Variants in SPATA6L observed in about 807,000 individuals in gnomAD.
SPATA6L encodes the protein spermatogenesis associated 6-like protein.
In SPATA6L, 68 loss-of-function variants were observed where a neutral mutation model predicts 49.2. The ratio of observed to expected loss-of-function variants is 1.38; its 90% CI spans 1.14 to 1.69. The LOEUF (loss-of-function observed/expected upper bound fraction) is 1.69, where lower values mean the gene tolerates loss of function less well. Among genes scored for constraint, SPATA6L ranks in the 40% most tolerant of loss-of-function variants. The probability of loss-of-function intolerance (pLI) is 0.00; values close to 1 mark genes in which losing one functional copy is unlikely to be tolerated. For missense variants in SPATA6L, 668 were observed against 464.3 expected (o/e 1.44, Z -4.03); for synonymous variants, 198 against 165.7 (o/e 1.19, Z -1.50).
intron 3 of SPATA6L, among the ~76,000 whole-genome samples, chr9:4,641,361 G>A (rs1369329299): frequency 6.6e-6 from 1 of 151,784 alleles, no homozygotes; most frequent in East Asian, 1.9e-4. Context: ...TGGTGTAGTT[G>A]CGGTGAGTTG....
At position 4,662,429 on chromosome 9, in the gene SPATA6L, G is replaced by GAGCAGC. The variant is rs768964167; in HGVS notation, c.40-399_40-394dup. The GAGCAGC allele has an allele frequency of 3.0e-5, 46 of 1,541,420 alleles. No homozygotes were observed. Among genetic ancestry groups the GAGCAGC allele is most frequent in the Non-Finnish European group, 3.9e-5 (45 of 1,152,076 alleles). On this transcript the variant is annotated intron_variant, in intron 1 of 11. Transcript: ENST00000682582. The surrounding 1 kb of genome is among the most constrained non-coding windows in gnomAD (Gnocchi z 4.9). ...GACGGCCGCTGGGCGTCTCCGCTTC[G>GAGCAGC]AGCAGCAGCAGCAGCCCCGGCAGCC...
In SPATA6L at chr9:4,592,314, C is replaced by CAA. The variant is rs35362659; in HGVS notation, c.*255-3355_*255-3354dup. The stretch of plus-strand genomic sequence containing the variant: ...TGGGTGACAGAGGGAGACTCCATCT[C>CAA]AAAAAAAAAAAAAAAAAAATCACAG... On this transcript the variant is annotated intron_variant and NMD_transcript_variant, in intron 13 of 13. Transcript: ENST00000461761. Among the ~76,000 whole-genome samples, 240 of 114,092 alleles carry CAA rather than the reference C, an allele frequency of 2.1e-3. 2 individuals are homozygous for CAA. Among genetic ancestry groups the CAA allele is most frequent in the Admixed American group, 4.1e-3 (43 of 10,458 alleles). 74.8% of individuals were successfully genotyped at this position (114,092 alleles called of 152,430 possible). A position where few individuals can be genotyped will look rare whatever the true frequency, so the allele number is the denominator to read the frequency against.
At position 4,662,233 on chromosome 9, in the gene SPATA6L, T is replaced by C; in HGVS notation, c.40-197A>G. On this transcript the variant is annotated intron_variant, in intron 1 of 11. Coordinates refer to ENST00000682582, the MANE Select transcript of SPATA6L (RefSeq NM_001353486.2). This position sits in a 1 kb window ranked among gnomAD's most constrained non-coding sequence, Gnocchi z 4.9. ...TTGGAAATTCCAACTCCCTCCCACG[T>C]CTCCACCAGGTGTCACAATCGCGCT... 1 of 1,432,738 alleles carries C rather than the reference T, an allele frequency of 7.0e-7. No individual in the cohort carries two copies. Among genetic ancestry groups the C allele is most frequent in the South Asian group, 1.5e-5 (1 of 67,010 alleles). The allele number at this position is 1,432,738 out of a possible 1,614,324, so 88.8% of individuals were successfully genotyped here.
At chr9:4,604,356 G>C in intron 10 of SPATA6L, 87 bp from the exon 11 acceptor site, 1 of 806,402 alleles carries the variant, frequency 1.2e-6, no homozygotes. Context: ...GCATGTAGGA[G>C]GTCTGTGCAT....
chr9:4,654,159 G>A (rs997919652), intron 3 of SPATA6L, among the ~76,000 whole-genome samples: 13 of 152,148 alleles, frequency 8.5e-5, no homozygotes, highest in African/African-American at 3.1e-4. Flanking sequence ...AACAAGTGTC[G>A]GCCAGGATGT....
downstream of SPATA6L, among the ~76,000 whole-genome samples, chr9:4,598,121 G>A (rs746323376): frequency 6.6e-6 from 1 of 152,086 alleles, no homozygotes; most frequent in Non-Finnish European, 1.5e-5. Flanking sequence ...TCAGTCAGGT[G>A]ACCACAGAGA....
At chr9:4,653,684 C>T (rs1837438164) in intron 3 of SPATA6L, among the ~76,000 whole-genome samples, 1 of 152,152 alleles carries the variant, frequency 6.6e-6, no homozygotes, top group South Asian at 2.1e-4. Context: ...AACCCCAACA[C>T]TTTGGGAAGC....
intron 3 of SPATA6L, among the ~76,000 whole-genome samples, chr9:4,638,680 C>T (rs970311834): frequency 6.6e-6 from 1 of 152,182 alleles, no homozygotes; most frequent in African/African-American, 2.4e-5. Context: ...GTACAACCTG[C>T]AAATGGAAAG....
intron 7 of SPATA6L, among the ~76,000 whole-genome samples, chr9:4,621,432 A>G (rs1400267946): frequency 6.6e-6 from 1 of 152,138 alleles, no homozygotes; most frequent in African/African-American, 2.4e-5. Context: ...GGAGTTTTCC[A>G]AAAGCTACAA....
chr9:4,639,163 G>A (rs920668065), intron 3 of SPATA6L, among the ~76,000 whole-genome samples: 6 of 152,098 alleles, frequency 3.9e-5, no homozygotes, highest in African/African-American at 1.2e-4. Flanking sequence ...CCATTACCAC[G>A]ATTGCTCCCT....
chr9:4,596,067 T>C (rs969707334), downstream of SPATA6L, among the ~76,000 whole-genome samples: 18 of 152,374 alleles, frequency 1.2e-4, no homozygotes, highest in Non-Finnish European at 1.6e-4. Context: ...TCACAAATCC[T>C]GCCTGGTCCT....
At chr9:4,638,299 C>T (rs1375737740) in intron 3 of SPATA6L, among the ~76,000 whole-genome samples, 2 of 152,128 alleles carry the variant, frequency 1.3e-5, no homozygotes, top group African/African-American at 2.4e-5. Context: ...GCTACCTCTG[C>T]CTCCTGGGTT....
At chr9:4,641,274 G>T (rs900123166) in intron 3 of SPATA6L, among the ~76,000 whole-genome samples, 1 of 151,990 alleles carries the variant, frequency 6.6e-6, no homozygotes, top group African/African-American at 2.4e-5. Flanking sequence ...TCATCCCTAA[G>T]TATCCACAGG....
intron 3 of SPATA6L, among the ~76,000 whole-genome samples, chr9:4,644,321 T>C (rs1834791212): frequency 6.6e-6 from 1 of 150,478 alleles, no homozygotes; most frequent in South Asian, 2.1e-4. Context: ...TCAGTCTGAG[T>C]GACAGAGTGA....
intron 3 of SPATA6L, among the ~76,000 whole-genome samples, chr9:4,639,085 T>G (rs1235940301): frequency 6.6e-6 from 1 of 152,178 alleles, no homozygotes; most frequent in Non-Finnish European, 1.5e-5. Context: ...CACCTGCCCT[T>G]TAAGACTACT....
At chr9:4,618,629 G>A (rs757467413) in intron 8 of SPATA6L, among the ~76,000 whole-genome samples, 7 of 152,128 alleles carry the variant, frequency 4.6e-5, no homozygotes, top group African/African-American at 1.7e-4. Flanking sequence ...TAGGTATTGG[G>A]TCTACATACA....
At chr9:4,610,201 C>G (rs1159882374) in intron 9 of SPATA6L, among the ~76,000 whole-genome samples, 1 of 151,320 alleles carries the variant, frequency 6.6e-6, no homozygotes. Context: ...GACTCAATAT[C>G]GTGAAAATGG....
chr9:4,657,961 T>G (rs1391007767), intron 2 of SPATA6L, among the ~76,000 whole-genome samples: 1 of 152,122 alleles, frequency 6.6e-6, no homozygotes, highest in Non-Finnish European at 1.5e-5. Flanking sequence ...CACCCCCAAT[T>G]TTTTTAACAG....
chr9:4,646,527 G>A, intron 3 of SPATA6L: 2 of 1,497,268 alleles, frequency 1.3e-6, no homozygotes, highest in Non-Finnish European at 1.8e-6. Flanking sequence ...TGGCTAGGAA[G>A]CCTAAAAAGG....
Sources: gnomAD v4.1 joint callset for allele counts (sites outside exome capture counted in the v4.1 genomes callset) on GRCh38, gnomAD v4.1.1 for gene constraint, Gnocchi (gnomAD v3.1) non-coding constraint, MANE v1.5 for transcripts, NCBI Gene and HGNC (gene_info 2026-07-23, HGNC 2026-07-21) for gene names.